Variants in CCDC112 observed in about 807,000 individuals in gnomAD.
CCDC112 encodes the protein coiled-coil domain-containing protein 112.
In CCDC112, 40 loss-of-function variants were observed where a neutral mutation model predicts 66.3. The ratio of observed to expected loss-of-function variants is 0.60; its 90% CI spans 0.47 to 0.79. The LOEUF (loss-of-function observed/expected upper bound fraction) is 0.79. Among genes scored for constraint, CCDC112 ranks in the 30% least tolerant of loss-of-function variants. CCDC112 has a pLI of 0.00. For synonymous variants in CCDC112, 214 were observed against 197.2 expected (o/e 1.09, Z -0.71); for missense variants, 659 against 603.8 (o/e 1.09, Z -0.96).
intron 1 of CCDC112, among the ~76,000 whole-genome samples, chr5:115,292,875 C>A (rs1470891233): frequency 6.6e-6 from 1 of 152,200 alleles, no homozygotes; most frequent in Non-Finnish European, 1.5e-5. Flanking sequence ...GTTTACAACC[C>A]TATCTTAGTA....
rs187007687 is a variant in CCDC112 at position 115,270,338 on chromosome 5, A to C, written c.1333-540T>G. Reference sequence around the variant, plus strand: ...TTTTTGCTTTACAAACATTGCTGCTATATATTTTGATGCACATAACAATTC... The same window carrying C: ...TTTTTGCTTTACAAACATTGCTGCTCTATATTTTGATGCACATAACAATTC... On this transcript the variant is annotated intron_variant, in intron 7 of 9. Transcript: ENST00000379611. 5.3e-5 allele frequency among the ~76,000 whole-genome samples: 8 copies of C among 152,218 alleles called. No homozygotes were observed. In the East Asian group the frequency reaches 1.5e-3, roughly 29 times the overall value.
Position 115,267,821 on chromosome 5 carries a change from CT to C in CCDC112, c.*54del. On this transcript the variant is annotated 3_prime_UTR_variant, in exon 10 of 10. Transcript: ENST00000379611. ...AAGAATGTGGTTAGTCACTCTCTCC[CT>C]GGTATAACTTAGTATGTTAACATTC... 7.4e-7 allele frequency: 1 copy of C among 1,348,012 alleles called. No homozygotes were observed. The highest frequency in any genetic ancestry group is 1.2e-5 in the South Asian group (1 of 85,336). 83.5% of individuals were successfully genotyped at this position (1,348,012 alleles called of 1,614,324 possible).
At chr5:115,284,222 G>A (rs1749576861) in intron 2 of CCDC112, among the ~76,000 whole-genome samples, 1 of 152,042 alleles carries the variant, frequency 6.6e-6, no homozygotes. Context: ...TTAGTAAGAA[G>A]AACAATGGCT....
chr5:115,277,754 A>G (rs1305245056), intron 3 of CCDC112, among the ~76,000 whole-genome samples: 2 of 152,174 alleles, frequency 1.3e-5, no homozygotes, highest in Admixed American at 1.3e-4. Context: ...TTCTTCTTTC[A>G]TATTTTTTTC....
intron 6 of CCDC112, among the ~76,000 whole-genome samples, chr5:115,272,538 G>C (rs1367170633): frequency 1.3e-5 from 2 of 152,196 alleles, no homozygotes; most frequent in Non-Finnish European, 2.9e-5. Context: ...AAATGAGTTA[G>C]CGTCTGGCAC....
intron 9 of CCDC112, among the ~76,000 whole-genome samples, chr5:115,268,551 G>A (rs538058930): frequency 3.3e-5 from 5 of 151,510 alleles, no homozygotes; most frequent in East Asian, 3.9e-4. Context: ...GATTACAGGC[G>A]TAAGCCACTG....
At chr5:115,282,780 C>T (rs1749510672) in intron 2 of CCDC112, among the ~76,000 whole-genome samples, 1 of 151,836 alleles carries the variant, frequency 6.6e-6, no homozygotes, top group Admixed American at 6.6e-5. Context: ...ACTGGGTACC[C>T]TTTGATTTGT....
At chr5:115,277,123 TGTAAGACTGATCACTGTTA>T in intron 3 of CCDC112, 69 bp from the exon 4 acceptor site, 1 of 856,620 alleles carries the variant, frequency 1.2e-6, no homozygotes, top group Non-Finnish European at 1.9e-6. Flanking sequence ...GGAATCTACA[TGTAAGACTGATCACTGTTA>T]GTAAAAGCCA....
chr5:115,287,982 CT>C lies in CCDC112; in HGVS notation c.118-3075del, dbSNP rs1039826943. ...CACAGGTACCAAAAATCTAAAATGCCTTTTTTTTTCCCCCCGAGACGGAGTT... is the reference window on the plus strand; with the variant it reads ...CACAGGTACCAAAAATCTAAAATGCCTTTTTTTTCCCCCCGAGACGGAGTT... On this transcript the variant is annotated intron_variant, in intron 1 of 9. Coordinates refer to ENST00000379611, the MANE Select transcript of CCDC112 (RefSeq NM_001040440.3). Among the ~76,000 whole-genome samples, 32 of 150,850 alleles carry C rather than the reference CT, an allele frequency of 2.1e-4. 1 individual carries two copies. The highest frequency in any genetic ancestry group is 4.2e-4 in the South Asian group (2 of 4,744).
Position 115,284,851 on chromosome 5 carries a change from T to C in CCDC112, c.175A>G (p.Lys59Glu), listed in dbSNP as rs1749608877. 1 of 1,612,658 alleles carries C rather than the reference T, an allele frequency of 6.2e-7. No homozygotes were observed. Among genetic ancestry groups the C allele is most frequent in the African/African-American group, 1.3e-5 (1 of 74,908 alleles). Residue 59 changes from lysine (K) to glutamate (E), a missense_variant, in exon 2 of 10, where the codon AAG becomes GAG. Lys to Glu is a moderately conservative substitution (Grantham distance 56, BLOSUM62 1). Transcript: ENST00000379611. ...GIRPFHLQNW[K>E]QKVNQTKKAE... ...TTCTTAGTCTGATTAACTTTCTGCT[T>C]CCAGTTCTGAAGATGAAAAGGACGA... is the stretch of plus-strand genomic sequence containing the variant.
intron 1 of CCDC112, among the ~76,000 whole-genome samples, chr5:115,289,746 C>T (rs1020902556): frequency 7.9e-5 from 12 of 152,174 alleles, no homozygotes; most frequent in African/African-American, 2.7e-4. Flanking sequence ...GGCTTAATCC[C>T]GGCTCACTGC....
At chr5:115,278,934 G>A (rs1184863999) in intron 3 of CCDC112, among the ~76,000 whole-genome samples, 1 of 152,018 alleles carries the variant, frequency 6.6e-6, no homozygotes, top group East Asian at 1.9e-4. Context: ...TTTAAGAAAT[G>A]CTAAGCAGCT....
chr5:115,278,951 TTA>T (rs1193671070), intron 3 of CCDC112, among the ~76,000 whole-genome samples: 1 of 152,164 alleles, frequency 6.6e-6, no homozygotes, highest in Non-Finnish European at 1.5e-5. Flanking sequence ...AGCTTTTTTA[TTA>T]TAAAGATTTT....
intron 2 of CCDC112, among the ~76,000 whole-genome samples, chr5:115,284,257 A>G (rs750987073): frequency 6.6e-6 from 1 of 152,192 alleles, no homozygotes; most frequent in Non-Finnish European, 1.5e-5. Context: ...AGCCAGCCTA[A>G]GAGTCCCTCA....
chr5:115,281,543 G>A (rs965044858), intron 2 of CCDC112, among the ~76,000 whole-genome samples: 15 of 152,114 alleles, frequency 9.9e-5, no homozygotes, highest in Admixed American at 9.2e-4. Flanking sequence ...CCTGTGTTGA[G>A]GACTGGGAAG....
chr5:115,289,736 G>A (rs142407490), intron 1 of CCDC112, among the ~76,000 whole-genome samples: 3 of 152,002 alleles, frequency 2.0e-5, no homozygotes, highest in African/African-American at 4.8e-5. Context: ...CTTTTGCAGC[G>A]GCTTAATCCC....
intron 1 of CCDC112, among the ~76,000 whole-genome samples, chr5:115,290,661 T>A (rs1239257768): frequency 2.0e-5 from 3 of 152,202 alleles, no homozygotes; most frequent in Non-Finnish European, 4.4e-5. Flanking sequence ...ATTTTTTGAA[T>A]AATTTTTATA....
At position 115,279,609 on chromosome 5, in the gene CCDC112, C is replaced by T. The variant is rs767830016; in HGVS notation, c.361+38G>A. On this transcript the variant is annotated intron_variant, in intron 3 of 9. Transcript: ENST00000379611. ...ACAGGGTAAAACTACAACTTTATAT[C>T]GCTCAACAGTTTTTAGTTCATCACA... The T allele has an allele frequency of 7.5e-6, 12 of 1,602,106 alleles. 1 individual carries two copies. Among genetic ancestry groups the T allele is most frequent in the South Asian group, 1.1e-5 (1 of 90,688 alleles).
chr5:115,282,865 C>T (rs965655929), intron 2 of CCDC112, among the ~76,000 whole-genome samples: 41 of 151,956 alleles, frequency 2.7e-4, no homozygotes, highest in African/African-American at 9.4e-4. Flanking sequence ...TGTGGTTTTT[C>T]GTTTGTGTTT....
Sources: allele counts gnomAD v4.1 joint callset (sites outside exome capture counted in the v4.1 genomes callset), GRCh38; gene constraint gnomAD v4.1.1; transcripts MANE v1.5; gene names NCBI Gene and HGNC (gene_info 2026-07-23, HGNC 2026-07-21).